PNPLA1: variants seen among roughly 807,000 people sequenced by gnomAD.
The protein encoded by PNPLA1 is patatin like domain 1, omega-hydroxyceramide transacylase.
PNPLA1 carries 36 observed loss-of-function variants against 51.7 expected under a neutral mutation model. The observed-to-expected ratio is 0.70, with a 90% CI of 0.53 to 0.92. PNPLA1 has a LOEUF of 0.92. Among genes scored for constraint, PNPLA1 ranks in the 40% least tolerant of loss-of-function variants. The pLI, the probability that PNPLA1 is intolerant of heterozygous loss-of-function variation, is 0.00. For missense variants in PNPLA1, 658 were observed against 682.5 expected, an observed-to-expected ratio of 0.96 and a Z score of 0.40; for synonymous variants, 293 against 280.1, an observed-to-expected ratio of 1.05 and a Z score of -0.46.
rs1170254111 is a variant in PNPLA1 at position 36,313,270 on chromosome 6, C to A, written c.*1384C>A. On this transcript the variant is annotated 3_prime_UTR_variant, in exon 9 of 9. Coordinates refer to ENST00000636260, the MANE Select transcript of PNPLA1 (RefSeq NM_001374623.1). The stretch of plus-strand genomic sequence containing the variant: ...TGTTCCGTGAGGAGGACAACTTCAG[C>A]CTCAATTTTTCCAGCCTGTCCAGAA... Among the ~76,000 whole-genome samples, 1 of 152,172 alleles carries A rather than the reference C, an allele frequency of 6.6e-6. No individual in the cohort carries two copies. Among genetic ancestry groups the A allele is most frequent in the Non-Finnish European group, 1.5e-5 (1 of 68,030 alleles).
chr6:36,256,724 G>T (rs1257645851), intron 1 of PNPLA1, among the ~76,000 whole-genome samples: 1 of 152,136 alleles, frequency 6.6e-6, no homozygotes, highest in Non-Finnish European at 1.5e-5. Flanking sequence ...GGGATTACAG[G>T]TGTGAGCCAC....
At chr6:36,285,323 G>A (rs1466659844) in intron 1 of PNPLA1, among the ~76,000 whole-genome samples, 1 of 152,180 alleles carries the variant, frequency 6.6e-6, no homozygotes, top group Non-Finnish European at 1.5e-5. Flanking sequence ...GCCTCGCAGC[G>A]ATTGGTTGAA....
At chr6:36,281,751 G>A (rs1200248683) in intron 1 of PNPLA1, among the ~76,000 whole-genome samples, 5 of 152,122 alleles carry the variant, frequency 3.3e-5, no homozygotes, top group Admixed American at 1.3e-4. Flanking sequence ...CGGGTGCAGT[G>A]GCTCACACCT....
At chr6:36,297,890 C>CACACA (rs1770908416) in intron 5 of PNPLA1, among the ~76,000 whole-genome samples, 1 of 106,776 alleles carries the variant, frequency 9.4e-6, no homozygotes, top group African/African-American at 4.6e-5. Flanking sequence ...ACACACACAC[C>CACACA]CTGTGAAACC....
chr6:36,279,205 G>C (rs1364611517), intron 1 of PNPLA1, among the ~76,000 whole-genome samples: 1 of 152,222 alleles, frequency 6.6e-6, no homozygotes, highest in African/African-American at 2.4e-5. Flanking sequence ...AGGTCCAGAG[G>C]AGCCATGTGT....
intron 1 of PNPLA1, among the ~76,000 whole-genome samples, chr6:36,282,232 A>AGGAAGGAAGGAC (rs70975142): frequency 1.3e-5 from 2 of 150,638 alleles, no homozygotes; most frequent in African/African-American, 4.9e-5. Flanking sequence ...GAAGGAAGGA[A>AGGAAGGAAGGAC]GGAAAGAAAG....
At chr6:36,288,545 C>T (rs1203612423) in intron 1 of PNPLA1, among the ~76,000 whole-genome samples, 2 of 151,218 alleles carry the variant, frequency 1.3e-5, no homozygotes, top group East Asian at 3.9e-4. Flanking sequence ...CTCCGCTTCC[C>T]GGGTTCACGC....
At chr6:36,260,253 C>T (rs911597012) in intron 1 of PNPLA1, among the ~76,000 whole-genome samples, 3 of 151,902 alleles carry the variant, frequency 2.0e-5, no homozygotes, top group Non-Finnish European at 2.9e-5. Context: ...CACATCACTG[C>T]ACTCCAGCCT....
At chr6:36,282,088 A>AG (rs1770312408) in intron 1 of PNPLA1, among the ~76,000 whole-genome samples, 2 of 98,850 alleles carry the variant, frequency 2.0e-5, no homozygotes, top group East Asian at 3.0e-4. Flanking sequence ...AAAGAAAGAA[A>AG]GAAGGAAGGA....
At chr6:36,262,342 C>T (rs1459768695) in intron 1 of PNPLA1, among the ~76,000 whole-genome samples, 13 of 152,180 alleles carry the variant, frequency 8.5e-5, no homozygotes, top group South Asian at 2.1e-4. Flanking sequence ...ATCAGCCAGA[C>T]GGGGCTACGC....
At chr6:36,298,896 G>A (rs1046635723) in intron 5 of PNPLA1, among the ~76,000 whole-genome samples, 3 of 152,092 alleles carry the variant, frequency 2.0e-5, no homozygotes, top group East Asian at 1.9e-4. Flanking sequence ...ACGCCACCAC[G>A]TCCAGCTAAT....
chr6:36,273,901 G>A (rs1770010132), intron 1 of PNPLA1, among the ~76,000 whole-genome samples: 2 of 152,082 alleles, frequency 1.3e-5, no homozygotes, highest in Admixed American at 1.3e-4. Context: ...AAGCAGTGGG[G>A]TGTAATCAAG....
intron 1 of PNPLA1, among the ~76,000 whole-genome samples, chr6:36,259,988 AT>A (rs1005792894): frequency 6.6e-5 from 10 of 150,888 alleles, no homozygotes; most frequent in South Asian, 6.3e-4. Context: ...AAAAGTTGAA[AT>A]TTTTTTTTTA....
chr6:36,259,465 G>A (rs938021655), intron 1 of PNPLA1, among the ~76,000 whole-genome samples: 4 of 151,910 alleles, frequency 2.6e-5, no homozygotes, highest in African/African-American at 4.8e-5. Context: ...AAAGATCCCC[G>A]CAATCCCACC....
At chr6:36,246,352 G>A (rs908686978) in intron 1 of PNPLA1, among the ~76,000 whole-genome samples, 2 of 151,830 alleles carry the variant, frequency 1.3e-5, no homozygotes, top group African/African-American at 4.8e-5. Context: ...TTACAGGTGC[G>A]CCCACCACCA....
upstream of PNPLA1, among the ~76,000 whole-genome samples, chr6:36,269,538 G>A (rs553748391): frequency 6.6e-6 from 1 of 152,272 alleles, no homozygotes; most frequent in South Asian, 2.1e-4. Context: ...AGAAGAACAC[G>A]CAACACGAAG....
chr6:36,285,318 G>A (rs1561861110), intron 1 of PNPLA1, among the ~76,000 whole-genome samples: 1 of 152,168 alleles, frequency 6.6e-6, no homozygotes, highest in Admixed American at 6.5e-5. Flanking sequence ...CCGCCGCCTC[G>A]CAGCGATTGG....
chr6:36,270,807 A>G (rs1234366737), intron 1 of PNPLA1, 143 bp downstream of exon 1: 6 of 995,216 alleles, frequency 6.0e-6, no homozygotes, highest in Non-Finnish European at 8.8e-6. Flanking sequence ...TGGTTGGAGT[A>G]GGATAGCGGC....
At chr6:36,249,948 A>G (rs969029748) in intron 1 of PNPLA1, among the ~76,000 whole-genome samples, 6 of 152,238 alleles carry the variant, frequency 3.9e-5, no homozygotes, top group African/African-American at 9.6e-5. Flanking sequence ...AGTTATTGCA[A>G]TGATGAGGGT....
Sources: gnomAD v4.1 joint callset for allele counts (sites outside exome capture counted in the v4.1 genomes callset) on GRCh38, gnomAD v4.1.1 for gene constraint, MANE v1.5 for transcripts, NCBI Gene and HGNC (gene_info 2026-07-23, HGNC 2026-07-21) for gene names.